The following CTNND2 variants were observed in gnomAD, a reference collection of about 807,000 sequenced individuals.
CTNND2 encodes catenin delta-2.
CTNND2 carries 22 observed loss-of-function variants against 144.4 expected under a neutral mutation model. That is an observed-to-expected ratio of 0.15 (90% CI 0.11 to 0.22). The LOEUF (loss-of-function observed/expected upper bound fraction) is 0.22, where lower values mean the gene tolerates loss of function less well. Ranked by LOEUF, CTNND2 falls within the 10% of genes least tolerant of loss-of-function variation. CTNND2 has a pLI of 1.00. For synonymous variants in CTNND2, 751 were observed against 695.6 expected (o/e 1.08, Z -1.25); for missense variants, 1,353 against 1,618.8 (o/e 0.84, Z 2.82).
At chr5:11,135,931 G>T (rs1444067475) in intron 12 of CTNND2, among the ~76,000 whole-genome samples, 1 of 152,134 alleles carries the variant, frequency 6.6e-6, no homozygotes, top group East Asian at 1.9e-4. Flanking sequence ...AATTAGCATT[G>T]GCTACTGCTA....
intron 16 of CTNND2, among the ~76,000 whole-genome samples, chr5:11,023,352 C>T (rs1452373817): frequency 6.6e-6 from 1 of 152,160 alleles, no homozygotes; most frequent in Non-Finnish European, 1.5e-5. Context: ...CACAGGACTC[C>T]ATAGGTATTA....
chr5:11,107,511 T>C (rs1319161778), intron 14 of CTNND2, among the ~76,000 whole-genome samples: 2 of 152,172 alleles, frequency 1.3e-5, no homozygotes, highest in African/African-American at 4.8e-5. Context: ...AAGAAAACCT[T>C]GTAGGTGGTG....
chr5:11,008,352 A>G (rs548531538), intron 18 of CTNND2, among the ~76,000 whole-genome samples: 2 of 152,268 alleles, frequency 1.3e-5, no homozygotes, highest in Non-Finnish European at 2.9e-5. Flanking sequence ...GTTGTTCCTT[A>G]TAAGAGAGAT....
intron 1 of CTNND2, among the ~76,000 whole-genome samples, chr5:11,836,523 G>A (rs1419011625): frequency 1.3e-5 from 2 of 149,154 alleles, no homozygotes; most frequent in African/African-American, 5.0e-5. Flanking sequence ...ACCACTAAAA[G>A]GAGCCAAACT....
rs70947250 is a variant in CTNND2, at chr5:11,283,673, C to CAAAAAAAAA, written c.1629-46859_1629-46851dup. Among the ~76,000 whole-genome samples, 110 of 31,606 alleles carry CAAAAAAAAA rather than the reference C, an allele frequency of 3.5e-3. 15 individuals are homozygous for CAAAAAAAAA. The highest frequency in any genetic ancestry group is 5.5e-3 in the Non-Finnish European group (95 of 17,272). The allele number at this position is 31,606 out of a possible 152,430, so 20.7% of individuals were successfully genotyped here. On this transcript the variant is annotated intron_variant, in intron 9 of 21. Coordinates refer to ENST00000304623, the MANE Select transcript of CTNND2 (RefSeq NM_001332.4). ...TGGGTGAAAGAGTGAGACTCCGTCT[C>CAAAAAAAAA]AAAAAAAAAAAAAAAAAAAAAAAAA...
intron 3 of CTNND2, among the ~76,000 whole-genome samples, chr5:11,417,791 C>T (rs1344087388): frequency 1.3e-5 from 2 of 152,096 alleles, no homozygotes; most frequent in South Asian, 4.2e-4. Flanking sequence ...AATTTTGCTT[C>T]TATGTAGAGA....
intron 8 of CTNND2, among the ~76,000 whole-genome samples, chr5:11,348,214 T>C (rs945205906): frequency 7.9e-5 from 12 of 152,224 alleles, no homozygotes; most frequent in African/African-American, 2.9e-4. Flanking sequence ...ATCCGCTTTA[T>C]GTCCTTATGC....
intron 3 of CTNND2, among the ~76,000 whole-genome samples, chr5:11,413,638 T>C (rs1761712224): frequency 1.3e-5 from 2 of 152,198 alleles, no homozygotes; most frequent in Admixed American, 1.3e-4. Context: ...ACTAGAGACC[T>C]ACAAGATGAA....
intron 21 of CTNND2, among the ~76,000 whole-genome samples, chr5:10,980,927 A>G (rs960273988): frequency 1.3e-5 from 2 of 152,174 alleles, no homozygotes; most frequent in African/African-American, 4.8e-5. Flanking sequence ...TAACATTAGG[A>G]GAAATACCTA....
At chr5:11,546,105 G>C (rs1479654824) in intron 3 of CTNND2, among the ~76,000 whole-genome samples, 1 of 152,148 alleles carries the variant, frequency 6.6e-6, no homozygotes, top group African/African-American at 2.4e-5. Context: ...GAAATGTACA[G>C]AATGGGCACA....
rs375599825 is a variant in CTNND2 at position 11,872,991 on chromosome 5, C to T, written c.37+30826G>A. Among the ~76,000 whole-genome samples the T allele has an allele frequency of 8.5e-5, 13 of 152,178 alleles. No individual in the cohort carries two copies. In the East Asian group the frequency reaches 9.7e-4, roughly 11 times the overall value. On this transcript the variant is annotated intron_variant, in intron 1 of 21. Coordinates refer to ENST00000304623, the MANE Select transcript of CTNND2 (RefSeq NM_001332.4). The stretch of plus-strand genomic sequence containing the variant: ...AAGCAATGCCAACAAAAGCCAAAAT[C>T]GACAAATGGGATCTAATTAAACTAA...
At chr5:11,441,591 C>A (rs1764267767) in intron 3 of CTNND2, among the ~76,000 whole-genome samples, 1 of 150,674 alleles carries the variant, frequency 6.6e-6, no homozygotes, top group African/African-American at 2.4e-5. Flanking sequence ...ACCATCTTGG[C>A]CAGGCTGGTC....
intron 9 of CTNND2, among the ~76,000 whole-genome samples, chr5:11,277,779 G>A (rs1049007380): frequency 1.3e-5 from 2 of 152,052 alleles, no homozygotes; most frequent in Admixed American, 6.6e-5. Context: ...TCATCTGCCC[G>A]CCTCGGCCTC....
intron 3 of CTNND2, among the ~76,000 whole-genome samples, chr5:11,479,761 C>CT (rs80069422): frequency 7.6e-4 from 112 of 146,904 alleles, no homozygotes; most frequent in South Asian, 8.7e-4. Context: ...TGATACTGAG[C>CT]TTTTTTTTTT....
chr5:11,885,987 A>G (rs1010133093), intron 1 of CTNND2, among the ~76,000 whole-genome samples: 8 of 152,148 alleles, frequency 5.3e-5, no homozygotes, highest in African/African-American at 1.9e-4. Context: ...ATAAAAATGG[A>G]AACACAACAC....
intron 15 of CTNND2, among the ~76,000 whole-genome samples, chr5:11,091,822 C>G (rs915252424): frequency 6.6e-6 from 1 of 152,156 alleles, no homozygotes; most frequent in African/African-American, 2.4e-5. Context: ...ATTTCATTCT[C>G]CCTAATAATT....
intron 1 of CTNND2, among the ~76,000 whole-genome samples, chr5:11,812,106 C>A (rs1468573637): frequency 6.6e-6 from 1 of 152,068 alleles, no homozygotes; most frequent in Non-Finnish European, 1.5e-5. Flanking sequence ...GTCAAAACTC[C>A]CTGTCCTTAT....
At chr5:11,525,674 T>C (rs1773179209) in intron 3 of CTNND2, among the ~76,000 whole-genome samples, 1 of 152,182 alleles carries the variant, frequency 6.6e-6, no homozygotes, top group Non-Finnish European at 1.5e-5. Context: ...TCTGTGTGTC[T>C]TCCCATTCTC....
intron 2 of CTNND2, among the ~76,000 whole-genome samples, chr5:11,672,436 A>T (rs138791098): frequency 1.6e-3 from 244 of 152,276 alleles, no homozygotes; most frequent in African/African-American, 5.6e-3. Flanking sequence ...TTTATCTATA[A>T]GTCCCTGACT....
Sources: allele counts gnomAD v4.1 joint callset (sites outside exome capture counted in the v4.1 genomes callset), GRCh38; gene constraint gnomAD v4.1.1; transcripts MANE v1.5; gene names NCBI Gene and HGNC (gene_info 2026-07-23, HGNC 2026-07-21).